Variants in PCNX2 observed in about 807,000 individuals in gnomAD.
PCNX2 encodes the protein pecanex 2.
A neutral mutation model predicts 223.8 loss-of-function variants in PCNX2; 168 were observed. The observed-to-expected ratio is 0.75, with a 90% confidence interval of 0.66 to 0.85. The LOEUF is 0.85. Among genes scored for constraint, PCNX2 ranks in the 40% least tolerant of loss-of-function variants. The probability of loss-of-function intolerance (pLI) is 0.00; values close to 1 mark genes in which losing one functional copy is unlikely to be tolerated. For missense variants in PCNX2, 2,507 were observed against 2,675.5 expected, an observed-to-expected ratio of 0.94 and a Z score of 1.39; for synonymous variants, 1,006 against 1,052.6, an observed-to-expected ratio of 0.96 and a Z score of 0.86.
Position 233,001,035 on chromosome 1 carries a change from T to C in PCNX2, c.5098-500A>G, listed in dbSNP as rs1331370010. ...CCTAAAGTTTCAGGCTGATCCTTTT[T>C]CTTTTTTTTTCCCCAAGAGACAGGG... On this transcript the variant is annotated intron_variant, in intron 29 of 33. Transcript: ENST00000258229. This position sits in a 1 kb window ranked among gnomAD's most constrained non-coding sequence, Gnocchi z 4.2. Among the ~76,000 whole-genome samples, 1 of 152,150 alleles carries C rather than the reference T, an allele frequency of 6.6e-6. No individual in the cohort carries two copies. The highest frequency in any genetic ancestry group is 2.1e-4 in the South Asian group (1 of 4,824).
At chr1:233,083,704 T>C (rs1031763115) in intron 23 of PCNX2, among the ~76,000 whole-genome samples, 2 of 152,180 alleles carry the variant, frequency 1.3e-5, no homozygotes, top group Admixed American at 6.5e-5. Context: ...TATTATTCCA[T>C]AAAGGCAGCT....
chr1:233,014,777 G>T lies in PCNX2; in HGVS notation c.4840C>A (p.Pro1614Thr), dbSNP rs760175231. Residue 1614 changes from proline to threonine, a missense_variant and splice_region_variant, in exon 28 of 34, where the codon CCT becomes ACT. By Grantham distance (38) the Pro-to-Thr change is conservative (BLOSUM62 -1). Transcript: ENST00000258229. ...IQHCARKRQE[P>T]STTLDSDEDS... ...TCGTCACTGTCCAGGGTCGTTGAAG[G>T]CTGAAAGAGCAAGAAGTTAACTCAG... The T allele has an allele frequency of 1.4e-5, 23 of 1,612,190 alleles. No homozygotes were observed. The Admixed American group carries it at 3.2e-4, about 22-fold the overall frequency.
In PCNX2 at chr1:232,999,383, C is replaced by A. The variant is rs767627916; in HGVS notation, c.5329-4G>T. 22 of 1,587,444 alleles carry A rather than the reference C, an allele frequency of 1.4e-5. No individual in the cohort carries two copies. The African/African-American group carries it at 2.7e-4, about 19-fold the overall frequency. ...CTCGGACGCATTCTTTGTTAACCTG[C>A]AGGTCAGAGAGGGAACGGGAAGAAA... On this transcript the variant is annotated splice_region_variant and splice_polypyrimidine_tract_variant and intron_variant, in intron 30 of 33. Transcript: ENST00000258229.
intron 1 of PCNX2, among the ~76,000 whole-genome samples, chr1:233,284,328 G>C (rs142453132): frequency 0.01 from 1,537 of 152,182 alleles, 14 homozygotes; most frequent in South Asian, 0.026. Flanking sequence ...TATTCTTAAA[G>C]GGTACAGCAA....
At chr1:233,015,856 G>C (rs1397524799) in intron 27 of PCNX2, among the ~76,000 whole-genome samples, 1 of 151,604 alleles carries the variant, frequency 6.6e-6, no homozygotes, top group African/African-American at 2.4e-5. Context: ...CCTAAGGAGA[G>C]TGAGACTCTG....
At chr1:233,195,714 C>T (rs1680687465) in intron 15 of PCNX2, among the ~76,000 whole-genome samples, 1 of 152,008 alleles carries the variant, frequency 6.6e-6, no homozygotes, top group Non-Finnish European at 1.5e-5. Flanking sequence ...ATATAATGCA[C>T]AAAAAGGTGC....
chr1:233,286,322 G>T (rs1004356097), intron 1 of PCNX2, among the ~76,000 whole-genome samples: 3 of 152,162 alleles, frequency 2.0e-5, no homozygotes, highest in South Asian at 2.1e-4. Context: ...TTGGGTGGGG[G>T]TAGAAGGCAC....
Position 233,288,803 on chromosome 1 carries a change from CCTTT to C in PCNX2, c.153+6519_153+6522del, listed in dbSNP as rs1217516126. 1.8e-3 allele frequency: 1,166 copies of C among 654,552 alleles called. 2 individuals carry two copies. The highest frequency in any genetic ancestry group is 2.3e-3 in the Non-Finnish European group (930 of 410,180). The allele number at this position is 654,552 out of a possible 1,614,324, so 40.5% of individuals were successfully genotyped here. ...GAGGCCCAGGACCCAGGAAAGATGC[CCTTT>C]TTTTTTTTTTTTTTTTTTTACTGTG... On this transcript the variant is annotated intron_variant, in intron 1 of 33. Coordinates refer to ENST00000258229, the MANE Select transcript of PCNX2 (RefSeq NM_014801.4).
chr1:233,169,387 C>CT (rs1678999370), intron 17 of PCNX2, among the ~76,000 whole-genome samples: 1 of 151,592 alleles, frequency 6.6e-6, no homozygotes, highest in African/African-American at 2.4e-5. Flanking sequence ...TGGCTCACGC[C>CT]TGTAATCCCA....
intron 17 of PCNX2, among the ~76,000 whole-genome samples, chr1:233,164,526 T>C (rs999993938): frequency 3.3e-5 from 5 of 151,940 alleles, no homozygotes; most frequent in African/African-American, 4.8e-5. Context: ...AGCCAAGATA[T>C]GAAATCAATC....
At chr1:233,280,138 A>G (rs886621434) in intron 1 of PCNX2, among the ~76,000 whole-genome samples, 1 of 151,986 alleles carries the variant, frequency 6.6e-6, no homozygotes, top group Non-Finnish European at 1.5e-5. Context: ...GTACTACTCC[A>G]CTGTAGGACG....
intron 21 of PCNX2, among the ~76,000 whole-genome samples, chr1:233,114,423 G>A (rs1191393330): frequency 6.6e-6 from 1 of 152,190 alleles, no homozygotes; most frequent in Non-Finnish European, 1.5e-5. Flanking sequence ...GAGCAAGAAC[G>A]GAGACCAGTT....
At chr1:233,169,319 A>G (rs1678992573) in intron 17 of PCNX2, among the ~76,000 whole-genome samples, 1 of 152,080 alleles carries the variant, frequency 6.6e-6, no homozygotes, top group South Asian at 2.1e-4. Flanking sequence ...ATTTTATTTA[A>G]TATATTTTTT....
At chr1:233,167,362 C>A (rs1253219392) in intron 17 of PCNX2, among the ~76,000 whole-genome samples, 1 of 150,794 alleles carries the variant, frequency 6.6e-6, no homozygotes, top group African/African-American at 2.4e-5. Context: ...GAGAGAGAGT[C>A]AAACATACAG....
intron 28 of PCNX2, among the ~76,000 whole-genome samples, chr1:233,009,545 G>A (rs1301152923): frequency 6.6e-6 from 1 of 152,198 alleles, no homozygotes; most frequent in East Asian, 1.9e-4. Context: ...AACAGCAATA[G>A]TTCTCTGCTC....
chr1:233,078,116 A>T (rs1364254837), intron 23 of PCNX2, among the ~76,000 whole-genome samples: 5 of 152,364 alleles, frequency 3.3e-5, no homozygotes, highest in African/African-American at 1.2e-4. Flanking sequence ...GAGTCACAAG[A>T]TTAAACAAGC....
In PCNX2 at chr1:233,133,570, T is replaced by C. The variant is rs144040376; in HGVS notation, c.3837+1443A>G. Among the ~76,000 whole-genome samples, 437 of 152,196 alleles carry C rather than the reference T, an allele frequency of 2.9e-3. 1 individual carries two copies. Among genetic ancestry groups the C allele is most frequent in the African/African-American group, 9.4e-3 (390 of 41,518 alleles). On this transcript the variant is annotated intron_variant, in intron 21 of 33. Coordinates refer to ENST00000258229, the MANE Select transcript of PCNX2 (RefSeq NM_014801.4). ...GCCCAATTGGAGTTATAAGAGGAAA[T>C]TGGGGCCAGGTGCAGTGGCTCATGC...
intron 12 of PCNX2, among the ~76,000 whole-genome samples, chr1:233,213,813 A>T (rs1208408040): frequency 8.1e-5 from 10 of 124,194 alleles, no homozygotes; most frequent in Non-Finnish European, 1.3e-4. Context: ...TGCCCAGTGC[A>T]CTCTTTTTTT....
intron 23 of PCNX2, among the ~76,000 whole-genome samples, chr1:233,080,642 G>C (rs927837022): frequency 6.6e-6 from 1 of 152,058 alleles, no homozygotes; most frequent in African/African-American, 2.4e-5. Context: ...AAAGGGGCTA[G>C]AGAGCTCTCT....
Sources: allele counts gnomAD v4.1 joint callset (sites outside exome capture counted in the v4.1 genomes callset), GRCh38; gene constraint gnomAD v4.1.1; non-coding constraint Gnocchi (gnomAD v3.1); transcripts MANE v1.5; gene names NCBI Gene and HGNC (gene_info 2026-07-23, HGNC 2026-07-21).